Variants in FREM3 observed in about 807,000 individuals in gnomAD.
FREM3 encodes FRAS1-related extracellular matrix protein 3.
A neutral mutation model predicts 129.1 loss-of-function variants in FREM3; 105 were observed. That is an observed-to-expected ratio of 0.81 (90% CI 0.69 to 0.96). FREM3 has a LOEUF of 0.96. Ranked by LOEUF, FREM3 falls within the 40% of genes least tolerant of loss-of-function variation. The pLI, the probability that FREM3 is intolerant of heterozygous loss-of-function variation, is 0.00. For missense variants in FREM3, 2,593 were observed against 2,666.3 expected, an observed-to-expected ratio of 0.97 and a Z score of 0.61; for synonymous variants, 1,014 against 1,044.9, an observed-to-expected ratio of 0.97 and a Z score of 0.57.
intron 6 of FREM3, among the ~76,000 whole-genome samples, chr4:143,592,558 G>GA (rs1386213382): frequency 6.6e-6 from 1 of 152,166 alleles, no homozygotes; most frequent in Non-Finnish European, 1.5e-5. Context: ...TAAGATTGTT[G>GA]AATATTGGCC....
chr4:143,614,432 C>T (rs562041456), intron 5 of FREM3, among the ~76,000 whole-genome samples: 40 of 152,238 alleles, frequency 2.6e-4, no homozygotes, highest in Non-Finnish European at 5.0e-4. Flanking sequence ...AGGTCCCTGG[C>T]GATTGTCTGT....
intron 2 of FREM3, among the ~76,000 whole-genome samples, chr4:143,678,085 G>T (rs180839166): frequency 1.3e-5 from 2 of 152,284 alleles, no homozygotes; most frequent in East Asian, 3.9e-4. Context: ...AAAGACACAT[G>T]CACACGTATG....
At chr4:143,661,143 G>A (rs1739711936) in intron 2 of FREM3, among the ~76,000 whole-genome samples, 1 of 152,026 alleles carries the variant, frequency 6.6e-6, no homozygotes, top group Non-Finnish European at 1.5e-5. Context: ...GGTGAGAGAG[G>A]GCATCCCTGT....
intron 7 of FREM3, among the ~76,000 whole-genome samples, chr4:143,582,418 T>A (rs1333259358): frequency 2.0e-5 from 3 of 151,550 alleles, no homozygotes; most frequent in African/African-American, 7.3e-5. Flanking sequence ...ACTTTGCATA[T>A]AACACCCTGT....
intron 2 of FREM3, among the ~76,000 whole-genome samples, chr4:143,634,866 G>A (rs1330227545): frequency 6.6e-6 from 1 of 152,088 alleles, no homozygotes; most frequent in Non-Finnish European, 1.5e-5. Flanking sequence ...GGATGTCACT[G>A]TGGTCCTTCC....
At chr4:143,619,279 A>G (rs1184998528) in intron 5 of FREM3, among the ~76,000 whole-genome samples, 1 of 152,160 alleles carries the variant, frequency 6.6e-6, no homozygotes, top group Non-Finnish European at 1.5e-5. Context: ...CTACTTGCCA[A>G]TCACCTTTCC....
intron 6 of FREM3, among the ~76,000 whole-genome samples, chr4:143,588,009 C>T (rs775297902): frequency 1.4e-4 from 21 of 152,270 alleles, no homozygotes; most frequent in Admixed American, 7.2e-4. Context: ...AGGAATACCA[C>T]TTAACCCCAA....
At chr4:143,681,304 C>T (rs1217665859) in intron 2 of FREM3, among the ~76,000 whole-genome samples, 1 of 151,944 alleles carries the variant, frequency 6.6e-6, no homozygotes, top group East Asian at 1.9e-4. Context: ...ATATTAAGTG[C>T]TATACAAGTT....
Position 143,633,418 on chromosome 4 carries a change from G to A in FREM3, c.5276-5658C>T, listed in dbSNP as rs113635743. Among the ~76,000 whole-genome samples the A allele has an allele frequency of 9.3e-3, 1,422 of 152,220 alleles. 22 individuals carry two copies. The highest frequency in any genetic ancestry group is 0.033 in the African/African-American group (1,362 of 41,540). ...TTTATGAAATATTACAGTTAACTAA[G>A]CCATCCATTCAATTATTGCATAAAT... On this transcript the variant is annotated intron_variant, in intron 2 of 7. Transcript: ENST00000329798.
chr4:143,664,234 T>G (rs1252316107), intron 2 of FREM3, among the ~76,000 whole-genome samples: 2 of 152,116 alleles, frequency 1.3e-5, no homozygotes, highest in South Asian at 2.1e-4. Context: ...TTTTGGTCAT[T>G]GATGATGGTG....
chr4:143,590,277 G>T (rs1738334119), intron 6 of FREM3, among the ~76,000 whole-genome samples: 1 of 152,156 alleles, frequency 6.6e-6, no homozygotes, highest in South Asian at 2.1e-4. Context: ...ACACTATGTT[G>T]AATAGGAGTG....
rs552362657 is a variant in FREM3, at chr4:143,675,247, C to T, written c.5275+17866G>A. Among the ~76,000 whole-genome samples the T allele has an allele frequency of 3.0e-4, 45 of 152,048 alleles. No individual in the cohort carries two copies. In the South Asian group the frequency reaches 6.3e-3, roughly 21 times the overall value. Reference sequence around the variant, plus strand: ...CAGGATTAAGAAACTCACTCAAAACCGCTCAACTACATGGAAACTGAACAA... The same window carrying T: ...CAGGATTAAGAAACTCACTCAAAACTGCTCAACTACATGGAAACTGAACAA... On this transcript the variant is annotated intron_variant, in intron 2 of 7. Transcript: ENST00000329798.
Position 143,697,140 on chromosome 4 carries a change from T to A in FREM3, c.3536A>T (p.Asn1179Ile). ...TAGGATGATTATAGGGAAGAAGACATTTGGGGAGAAGTTGATGCCATCAGA... is the reference window on the plus strand; with the variant it reads ...TAGGATGATTATAGGGAAGAAGACAATTGGGGAGAAGTTGATGCCATCAGA... ...YCSDGINFSP[N>I]VFFPIIILPT... The change falls in exon 1 of 8, where the codon AAT becomes ATT. Residue 1179 changes from asparagine to isoleucine, a missense_variant. Around this residue, in one of 2 missense-constraint regions of FREM3, gnomAD observed 2,276 missense variants for 2,267.2 expected, o/e 1.00. Transcript: ENST00000329798. The A allele has an allele frequency of 6.5e-7, 1 of 1,537,838 alleles. No individual in the cohort carries two copies. Among genetic ancestry groups the A allele is most frequent in the South Asian group, 1.2e-5 (1 of 84,048 alleles).
At chr4:143,668,310 A>G (rs1024125877) in intron 2 of FREM3, among the ~76,000 whole-genome samples, 4 of 152,162 alleles carry the variant, frequency 2.6e-5, no homozygotes, top group Non-Finnish European at 5.9e-5. Context: ...AAAGCAAAGA[A>G]CTGGAACCTC....
At chr4:143,691,265 T>G (rs1160784937) in intron 2 of FREM3, among the ~76,000 whole-genome samples, 7 of 152,194 alleles carry the variant, frequency 4.6e-5, no homozygotes, top group African/African-American at 1.4e-4. Context: ...CTTGGCCCTG[T>G]TCTCTAACTT....
intron 6 of FREM3, among the ~76,000 whole-genome samples, chr4:143,590,353 A>G (rs1281439774): frequency 6.6e-6 from 1 of 152,198 alleles, no homozygotes; most frequent in African/African-American, 2.4e-5. Flanking sequence ...TTGCCCATTC[A>G]GTATGATATT....
rs986143621 is a variant in FREM3 at position 143,577,669 on chromosome 4, A to G, written c.6362T>C (p.Ile2121Thr). Residue 2121 changes from isoleucine to threonine, a missense_variant, in exon 8 of 8, where the codon ATT (isoleucine) becomes ACT (threonine). Ile to Thr is a moderately conservative substitution (Grantham distance 89, BLOSUM62 -1). Transcript: ENST00000329798. Reference protein sequence around the residue: ...AVLGEPNKTTIFIEDTITDCK... With the variant: ...AVLGEPNKTTTFIEDTITDCK... ...GTCCGTGATGGTGTCCTCGATGAAA[A>G]TGGTAGTTTTATTTGGTTCTCCAAG... 5 of 1,537,062 alleles carry G rather than the reference A, an allele frequency of 3.3e-6. No individual in the cohort carries two copies. Among genetic ancestry groups the G allele is most frequent in the Admixed American group, 3.9e-5 (2 of 50,976 alleles).
intron 6 of FREM3, among the ~76,000 whole-genome samples, chr4:143,606,166 T>C (rs1395954875): frequency 6.6e-6 from 1 of 152,198 alleles, no homozygotes; most frequent in Non-Finnish European, 1.5e-5. Flanking sequence ...AATGAGACGA[T>C]GCTACAGAGC....
intron 5 of FREM3, among the ~76,000 whole-genome samples, chr4:143,617,683 C>T (rs1738875996): frequency 1.3e-5 from 2 of 150,994 alleles, no homozygotes; most frequent in African/African-American, 5.0e-5. Context: ...GCTAGTTTTA[C>T]ATTTGGGAAG....
Sources: allele counts gnomAD v4.1 joint callset (sites outside exome capture counted in the v4.1 genomes callset), GRCh38; gene constraint gnomAD v4.1.1; regional missense constraint gnomAD v4.1.1; transcripts MANE v1.5; gene names NCBI Gene and HGNC (gene_info 2026-07-23, HGNC 2026-07-21).